Variants in RCL1 observed in about 807,000 individuals in gnomAD.
RCL1 encodes the protein RNA 3'-terminal phosphate cyclase-like protein.
In RCL1, 24 loss-of-function variants were observed where a neutral mutation model predicts 42.4. The observed-to-expected ratio is 0.57, with a 90% CI of 0.41 to 0.80. The LOEUF is 0.80. Ranked by LOEUF, RCL1 falls within the 30% of genes least tolerant of loss-of-function variation. The pLI is 0.00. For missense variants in RCL1, 578 were observed against 467.9 expected (o/e 1.24, Z -2.17); for synonymous variants, 228 against 177.3 (o/e 1.29, Z -2.27).
chr9:4,823,362 C>G (rs1816657340), intron 1 of RCL1, among the ~76,000 whole-genome samples, 186 bp from the exon 2 acceptor site: 1 of 146,150 alleles, frequency 6.8e-6, no homozygotes, highest in African/African-American at 2.5e-5. Context: ...CCAGTCAGTG[C>G]TTTTCAACTG....
At chr9:4,833,777 G>A (rs572628114) in intron 4 of RCL1, among the ~76,000 whole-genome samples, 10 of 152,282 alleles carry the variant, frequency 6.6e-5, no homozygotes, top group East Asian at 1.9e-4. Context: ...ATTTAATAAT[G>A]TTTTGGTAGA....
rs575576240 is a variant in RCL1 at position 4,859,794 on chromosome 9, T to C, written c.972-331T>C. Among the ~76,000 whole-genome samples the C allele has an allele frequency of 1.3e-4, 20 of 152,240 alleles. 1 individual carries two copies. In the South Asian group the frequency reaches 3.7e-3, roughly 28 times the overall value. On this transcript the variant is annotated intron_variant, in intron 8 of 8. Transcript: ENST00000381750. ...GTTTGGGCAACATAGTGAGACCCCA[T>C]CTCTTATAAAAAAAAGAGTCATCAC...
At chr9:4,799,506 A>T (rs1842964575) in intron 1 of RCL1, among the ~76,000 whole-genome samples, 1 of 152,110 alleles carries the variant, frequency 6.6e-6, no homozygotes, top group Non-Finnish European at 1.5e-5. Context: ...CACTCCAAGG[A>T]TTCTTCATGT....
At chr9:4,844,363 A>T (rs1817436713) in intron 6 of RCL1, among the ~76,000 whole-genome samples, 162 bp from the exon 7 acceptor site, 1 of 152,204 alleles carries the variant, frequency 6.6e-6, no homozygotes, top group Non-Finnish European at 1.5e-5. Context: ...TTTTCTGGTC[A>T]GCTAGTAAAC....
At chr9:4,794,019 C>T (rs1370636697) in intron 1 of RCL1, among the ~76,000 whole-genome samples, 1 of 152,226 alleles carries the variant, frequency 6.6e-6, no homozygotes, top group African/African-American at 2.4e-5. Context: ...TGGTTTACAC[C>T]TGGCCCCCTG....
At chr9:4,846,618 T>G (rs211634) in intron 7 of RCL1, among the ~76,000 whole-genome samples, 5,391 of 152,246 alleles carry the variant, frequency 0.035, 299 homozygotes, top group African/African-American at 0.12. Context: ...TCTCTTGTTG[T>G]GCAGGATTTC....
chr9:4,817,750 G>A (rs1012008037), intron 1 of RCL1, among the ~76,000 whole-genome samples: 3 of 151,994 alleles, frequency 2.0e-5, no homozygotes, highest in African/African-American at 7.2e-5. Flanking sequence ...GCCTGCCTCA[G>A]CCTCCCAAAG....
rs1818127134 is a variant in RCL1 at position 4,860,286 on chromosome 9, A to T, written c.*11A>T. On this transcript the variant is annotated 3_prime_UTR_variant, in exon 9 of 9. Coordinates refer to ENST00000381750, the MANE Select transcript of RCL1 (RefSeq NM_005772.5). The stretch of plus-strand genomic sequence containing the variant: ...AAGACCCTCAAGTGATAACCATCAC[A>T]AGATAAGGCCCCAATGCCTACAGAC... 2 of 1,611,992 alleles carry T rather than the reference A, an allele frequency of 1.2e-6. No homozygotes were observed. The highest frequency in any genetic ancestry group is 1.7e-6 in the Non-Finnish European group (2 of 1,179,312).
At position 4,823,538 on chromosome 9, in the gene RCL1, T is replaced by C. The variant is rs1361854791; in HGVS notation, c.137-10T>C. On this transcript the variant is annotated splice_polypyrimidine_tract_variant and intron_variant, in intron 1 of 8. Coordinates refer to ENST00000381750, the MANE Select transcript of RCL1 (RefSeq NM_005772.5). Reference sequence around the variant, plus strand: ...CTTCTCTTTTCTTCACAGATTTTTTTTCTTCACAGATTTTGAAGCCAGCTT... The same window carrying C: ...CTTCTCTTTTCTTCACAGATTTTTTCTCTTCACAGATTTTGAAGCCAGCTT... 6.8e-6 allele frequency: 11 copies of C among 1,606,656 alleles called. No individual in the cohort carries two copies. In the East Asian group the frequency reaches 2.5e-4, roughly 36 times the overall value.
At chr9:4,832,297 G>C (rs1199974460) in intron 3 of RCL1, among the ~76,000 whole-genome samples, 1 of 152,074 alleles carries the variant, frequency 6.6e-6, no homozygotes, top group African/African-American at 2.4e-5. Context: ...GTTTGAGGCT[G>C]TCATCACCCC....
chr9:4,826,299 T>C (rs1282635997), intron 2 of RCL1, among the ~76,000 whole-genome samples: 1 of 152,086 alleles, frequency 6.6e-6, no homozygotes, highest in Non-Finnish European at 1.5e-5. Flanking sequence ...TGAATAAAGA[T>C]AGTAGTTTCC....
rs777098163 is a variant in RCL1, at chr9:4,844,711, G to A, written c.867+30G>A. The A allele has an allele frequency of 5.7e-6, 9 of 1,591,336 alleles. No homozygotes were observed. In the South Asian group the frequency reaches 1.0e-4, roughly 18 times the overall value. ...GTCCACAGCTTCCTCTGATAGAGGA[G>A]TGACCAGGAAGCAGTTTGTTTTCTC... On this transcript the variant is annotated intron_variant, in intron 7 of 8. Transcript: ENST00000381750.
intron 1 of RCL1, among the ~76,000 whole-genome samples, chr9:4,806,017 G>GGT (rs58494209): frequency 0.29 from 42,006 of 142,606 alleles, 6,756 homozygotes; most frequent in Middle Eastern, 0.4. Context: ...ATACCATTGG[G>GGT]GTGTGTGTGT....
chr9:4,837,913 C>T (rs955878038), intron 5 of RCL1, among the ~76,000 whole-genome samples: 1 of 152,084 alleles, frequency 6.6e-6, no homozygotes, highest in Admixed American at 6.5e-5. Context: ...CTCCTGGCTC[C>T]CCAGGAGAGT....
intron 6 of RCL1, among the ~76,000 whole-genome samples, chr9:4,842,670 A>G (rs1260071): frequency 0.92 from 140,110 of 152,280 alleles, 64,657 homozygotes; most frequent in East Asian, 1. Context: ...TGCTTGTCAC[A>G]TGGTAAGTCC....
chr9:4,826,742 C>T (rs913462245), intron 2 of RCL1, 116 bp from the exon 3 acceptor site: 16 of 853,890 alleles, frequency 1.9e-5, no homozygotes, highest in African/African-American at 3.4e-5. Flanking sequence ...GATGGCATTT[C>T]GAGCACTCTT....
intron 1 of RCL1, among the ~76,000 whole-genome samples, chr9:4,808,866 T>C (rs551804026): frequency 6.6e-6 from 1 of 152,354 alleles, no homozygotes; most frequent in South Asian, 2.1e-4. Flanking sequence ...TTTGATTTCA[T>C]TTTTATATTA....
chr9:4,858,113 C>G (rs539787406), intron 8 of RCL1, among the ~76,000 whole-genome samples: 1 of 151,852 alleles, frequency 6.6e-6, no homozygotes, highest in African/African-American at 2.4e-5. Flanking sequence ...AGGCCCCAAG[C>G]AATTTGCCTG....
intron 6 of RCL1, among the ~76,000 whole-genome samples, chr9:4,843,648 T>A (rs1382347650): frequency 6.6e-6 from 1 of 152,234 alleles, no homozygotes; most frequent in Admixed American, 6.5e-5. Context: ...AAGTTTATCG[T>A]AATGACAAAT....
Sources: allele counts gnomAD v4.1 joint callset (sites outside exome capture counted in the v4.1 genomes callset), GRCh38; gene constraint gnomAD v4.1.1; transcripts MANE v1.5; gene names NCBI Gene and HGNC (gene_info 2026-07-23, HGNC 2026-07-21).